TPD52: variants seen among roughly 807,000 people sequenced by gnomAD.
TPD52 encodes prostate and colon associated protein.
Under a neutral mutation model 31.3 loss-of-function variants are expected in TPD52, and 17 were observed. That is an observed-to-expected ratio of 0.54 (90% CI 0.37 to 0.82). TPD52 has a LOEUF of 0.82. TPD52 is among the 40% of genes least tolerant of loss of function. The pLI, the probability that TPD52 is intolerant of heterozygous loss-of-function variation, is 0.00. For synonymous variants in TPD52, 83 were observed against 89.6 expected (o/e 0.93, Z 0.42); for missense variants, 212 against 240.1 (o/e 0.88, Z 0.77).
chr8:80,046,626 C>T (rs925505513), intron 5 of TPD52, among the ~76,000 whole-genome samples: 3 of 152,200 alleles, frequency 2.0e-5, no homozygotes, highest in Non-Finnish European at 2.9e-5. Context: ...TTGTAAGAAT[C>T]GGTTACCATC....
intron 1 of TPD52, among the ~76,000 whole-genome samples, chr8:80,141,835 A>G (rs2370373): frequency 0.51 from 77,198 of 151,630 alleles, 20,172 homozygotes; most frequent in East Asian, 0.78. Context: ...ACTTGAACCC[A>G]GGAGGCAGAG....
Position 80,070,373 on chromosome 8 carries a change from A to C in TPD52, c.20-5780T>G, listed in dbSNP as rs547924166. 3.7e-4 allele frequency among the ~76,000 whole-genome samples: 56 copies of C among 152,298 alleles called. 1 individual carries two copies. The highest frequency in any genetic ancestry group is 1.3e-3 in the African/African-American group (55 of 41,546). ...ATCTGAAAGAATTCTGAATCGTTTA[A>C]GTCAGCAGTCCCCAGTGTTTTTTGC... On this transcript the variant is annotated intron_variant, in intron 1 of 7. Transcript: ENST00000518937.
intron 7 of TPD52, among the ~76,000 whole-genome samples, chr8:80,040,717 A>G (rs1186239161): frequency 2.6e-5 from 4 of 152,238 alleles, no homozygotes; most frequent in East Asian, 1.9e-4. Context: ...AGGAAAGGCT[A>G]TAACAGTCCT....
intron 7 of TPD52, 88 bp from the exon 8 acceptor site, chr8:80,038,323 A>G: frequency 7.2e-7 from 1 of 1,387,552 alleles, no homozygotes; most frequent in South Asian, 1.3e-5. Context: ...CACTTTCAAG[A>G]ACAAATACAT....
intron 1 of TPD52, among the ~76,000 whole-genome samples, chr8:80,169,018 T>C (rs751111057): frequency 2.0e-5 from 3 of 152,196 alleles, no homozygotes; most frequent in Non-Finnish European, 2.9e-5. Context: ...AGAGTCTCGC[T>C]CTGTCGCCCA....
chr8:80,041,945 C>T (rs182902117), intron 7 of TPD52, among the ~76,000 whole-genome samples: 3,057 of 152,010 alleles, frequency 0.02, 37 homozygotes, highest in South Asian at 0.028. Context: ...AAAAATTAGC[C>T]GGGTGTGGTG....
At chr8:80,077,132 C>T (rs1296763860) in intron 1 of TPD52, among the ~76,000 whole-genome samples, 1 of 151,922 alleles carries the variant, frequency 6.6e-6, no homozygotes, top group Admixed American at 6.6e-5. Flanking sequence ...AAAATTAGCA[C>T]GATGTGGTGA....
At chr8:80,157,022 A>G (rs1811018358) in intron 1 of TPD52, among the ~76,000 whole-genome samples, 1 of 152,196 alleles carries the variant, frequency 6.6e-6, no homozygotes, top group South Asian at 2.1e-4. Flanking sequence ...TGATTATTTA[A>G]TAATACCAAG....
chr8:80,150,053 G>A (rs951225278), intron 1 of TPD52, among the ~76,000 whole-genome samples: 22 of 152,340 alleles, frequency 1.4e-4, no homozygotes, highest in African/African-American at 4.8e-4. Flanking sequence ...GGCCTAGGAG[G>A]GAGAAATGGT....
At position 80,050,415 on chromosome 8, in the gene TPD52, G is replaced by C. The variant is rs774733381; in HGVS notation, c.413+30C>G. The C allele has an allele frequency of 4.6e-5, 74 of 1,597,934 alleles. No individual in the cohort carries two copies. In the Middle Eastern group the frequency reaches 1.2e-3, roughly 25 times the overall value. ...GCACACTTTTCTTATACAACTGCTG[G>C]ACTGCAGTGATGGTTCAAACTCTCC... On this transcript the variant is annotated intron_variant, in intron 5 of 7. Transcript: ENST00000518937.
intron 1 of TPD52, among the ~76,000 whole-genome samples, chr8:80,155,067 G>A (rs1270275006): frequency 6.8e-6 from 1 of 147,702 alleles, no homozygotes; most frequent in Admixed American, 6.9e-5. Flanking sequence ...GCACAGTCTT[G>A]GCTCACTGAC....
At chr8:80,032,401 C>CT (rs1382131311), downstream of TPD52, among the ~76,000 whole-genome samples, 4 of 152,214 alleles carry the variant, frequency 2.6e-5, no homozygotes, top group Non-Finnish European at 5.9e-5. Context: ...GTAACCACTC[C>CT]TTGCTTTATT....
At chr8:80,055,878 A>G (rs963219922) in intron 2 of TPD52, among the ~76,000 whole-genome samples, 1 of 152,230 alleles carries the variant, frequency 6.6e-6, no homozygotes, top group African/African-American at 2.4e-5. Flanking sequence ...TCAAAAAACC[A>G]AAAAATAACA....
At chr8:80,050,553 TA>T in intron 4 of TPD52, 82 bp from the exon 5 acceptor site, 5 of 1,409,176 alleles carry the variant, frequency 3.5e-6, no homozygotes, top group Non-Finnish European at 4.8e-6. Flanking sequence ...GTTTTAAACA[TA>T]TAATGTTTTC....
chr8:80,114,939 A>C (rs1220316692), intron 1 of TPD52, among the ~76,000 whole-genome samples: 1 of 152,162 alleles, frequency 6.6e-6, no homozygotes, highest in Non-Finnish European at 1.5e-5. Context: ...ATTGTGTCTG[A>C]GTCGTACCCC....
chr8:80,133,306 G>A (rs1184912424), intron 1 of TPD52, among the ~76,000 whole-genome samples: 1 of 152,060 alleles, frequency 6.6e-6, no homozygotes, highest in Non-Finnish European at 1.5e-5. Flanking sequence ...TAGGCAAACG[G>A]TGACAGCCTG....
chr8:80,114,129 C>T (rs940232143), intron 1 of TPD52, among the ~76,000 whole-genome samples: 86 of 152,214 alleles, frequency 5.6e-4, no homozygotes, highest in African/African-American at 2.0e-3. Flanking sequence ...CCTGTAGCTG[C>T]TCAGCAGGCT....
chr8:80,167,613 C>T (rs1168671206), intron 1 of TPD52, among the ~76,000 whole-genome samples: 1 of 151,962 alleles, frequency 6.6e-6, no homozygotes, highest in Non-Finnish European at 1.5e-5. Context: ...GGGAGTAGAC[C>T]CTCAAAATTA....
At chr8:80,112,207 GA>G (rs1371811426) in intron 1 of TPD52, among the ~76,000 whole-genome samples, 1 of 152,220 alleles carries the variant, frequency 6.6e-6, no homozygotes, top group Non-Finnish European at 1.5e-5. Flanking sequence ...TGTACCAGGT[GA>G]TAAGCAGTGC....
Sources: gnomAD v4.1 joint callset for allele counts (sites outside exome capture counted in the v4.1 genomes callset) on GRCh38, gnomAD v4.1.1 for gene constraint, MANE v1.5 for transcripts, NCBI Gene and HGNC (gene_info 2026-07-23, HGNC 2026-07-21) for gene names.